The following GATM variants were observed in gnomAD, a reference collection of about 807,000 sequenced individuals.
The protein encoded by GATM is glycine amidinotransferase.
Under a neutral mutation model 54.2 loss-of-function variants are expected in GATM, and 23 were observed. The observed-to-expected ratio is 0.42, with a 90% confidence interval of 0.31 to 0.60. The LOEUF (loss-of-function observed/expected upper bound fraction) is 0.60, where lower values mean the gene tolerates loss of function less well. Ranked by LOEUF, GATM falls within the 20% of genes least tolerant of loss-of-function variation. The probability of loss-of-function intolerance (pLI) is 0.14; values close to 1 mark genes in which losing one functional copy is unlikely to be tolerated. For missense variants in GATM, 401 were observed against 544.9 expected (o/e 0.74, Z 2.63); for synonymous variants, 168 against 183.1 (o/e 0.92, Z 0.67).
At chr15:45,402,221 C>T, upstream of GATM, 1 of 661,978 alleles carries the variant, frequency 1.5e-6, no homozygotes, top group Non-Finnish European at 2.4e-6. Flanking sequence ...CTCGATTTCA[C>T]GAAAGCGGAC....
chr15:45,370,375 CAAA>C (rs1293081776), intron 2 of GATM, among the ~76,000 whole-genome samples: 1 of 77,922 alleles, frequency 1.3e-5, no homozygotes, highest in Non-Finnish European at 2.7e-5. Flanking sequence ...GACTCTGTCT[CAAA>C]AAAAAAAAAA....
Position 45,366,531 on chromosome 15 carries a change from C to T in GATM, c.676-23G>A, listed in dbSNP as rs778983865. On this transcript the variant is annotated intron_variant, in intron 4 of 8. Coordinates refer to ENST00000396659, the MANE Select transcript of GATM (RefSeq NM_001482.3). Reference sequence around the variant, plus strand: ...ATCCTAATTGGAACAAGAATGAACACACACAATGCACTGGATCATGAGAAA... The same window carrying T: ...ATCCTAATTGGAACAAGAATGAACATACACAATGCACTGGATCATGAGAAA... 11 of 1,613,208 alleles carry T rather than the reference C, an allele frequency of 6.8e-6. No homozygotes were observed. In the South Asian group the frequency reaches 9.9e-5, roughly 14 times the overall value.
At chr15:45,387,712 A>G (rs1716263509) in intron 3 of GATM, among the ~76,000 whole-genome samples, 1 of 152,158 alleles carries the variant, frequency 6.6e-6, no homozygotes. Flanking sequence ...TGGAATTTGT[A>G]CCTCACTTTA....
In GATM at chr15:45,368,387, G is replaced by T; in HGVS notation, c.485-127C>A. On this transcript the variant is annotated intron_variant, in intron 3 of 8. Coordinates refer to ENST00000396659, the MANE Select transcript of GATM (RefSeq NM_001482.3). This position sits in a 1 kb window ranked among gnomAD's most constrained non-coding sequence, Gnocchi z 5.1. ...ACCACTTTGGGAGGCCAAGACGGGC[G>T]GATCACTTGATCCTCTTCAAGAGCA... 1 of 768,430 alleles carries T rather than the reference G, an allele frequency of 1.3e-6. No individual in the cohort carries two copies. The highest frequency in any genetic ancestry group is 2.2e-6 in the Non-Finnish European group (1 of 447,104). 47.6% of individuals were successfully genotyped at this position (768,430 alleles called of 1,614,324 possible). A position where few individuals can be genotyped will look rare whatever the true frequency, so the allele number is the denominator to read the frequency against.
chr15:45,361,867 C>A lies in GATM; in HGVS notation c.*242G>T. On this transcript the variant is annotated 3_prime_UTR_variant, in exon 9 of 9. Coordinates refer to ENST00000396659, the MANE Select transcript of GATM (RefSeq NM_001482.3). ...CTAATTTTTTCTTGGTACACATTCA[C>A]CAAAATTTTATACTTGAAGCCAAAT... The A allele has an allele frequency of 1.8e-6, 1 of 553,134 alleles. No homozygotes were observed. Among genetic ancestry groups the A allele is most frequent in the Non-Finnish European group, 3.2e-6 (1 of 313,184 alleles). The allele number at this position is 553,134 out of a possible 1,614,324, so 34.3% of individuals were successfully genotyped here. A position where few individuals can be genotyped will look rare whatever the true frequency, so the allele number is the denominator to read the frequency against.
intron 2 of GATM, among the ~76,000 whole-genome samples, chr15:45,370,375 C>CAA (rs1293081776): frequency 1.3e-5 from 1 of 77,878 alleles, no homozygotes. Context: ...GACTCTGTCT[C>CAA]AAAAAAAAAA....
chr15:45,362,275 T>C (rs535235024), intron 8 of GATM, 54 bp from the exon 9 acceptor site: 2 of 1,073,464 alleles, frequency 1.9e-6, no homozygotes, highest in East Asian at 2.4e-5. Flanking sequence ...ACGATTCTCA[T>C]AGAGAAAGTA....
chr15:45,361,890 A>G lies in GATM; in HGVS notation c.*219T>C. On this transcript the variant is annotated 3_prime_UTR_variant, in exon 9 of 9. Transcript: ENST00000396659. ...CACCAAAATTTTATACTTGAAGCCA[A>G]ATAGTAAATAACTTTAGGAGTAGAG... 1 of 559,996 alleles carries G rather than the reference A, an allele frequency of 1.8e-6. No individual in the cohort carries two copies. The highest frequency in any genetic ancestry group is 2.8e-5 in the East Asian group (1 of 35,482). The allele number at this position is 559,996 out of a possible 1,614,324, so 34.7% of individuals were successfully genotyped here.
upstream of GATM, chr15:45,380,364 G>A (rs1041437919): frequency 1.3e-5 from 2 of 151,896 alleles, no homozygotes; most frequent in African/African-American, 4.8e-5. Context: ...ACTTAATTCT[G>A]CCACTTAATT....
chr15:45,369,387 T>A lies in GATM; in HGVS notation c.423A>T (p.Val141=). Residue 141 remains valine, a synonymous_variant, in exon 3 of 9, where the codon GTA becomes GTT. Coordinates refer to ENST00000396659, the MANE Select transcript of GATM (RefSeq NM_001482.3). ...CNILKTEGVT[V]RRPDPIDWSL... ...ACCAGTCAATGGGGTCAGGCCTCCT[T>A]ACTGTCACTCCTTCCGTTTTTAAAA... is the stretch of plus-strand genomic sequence containing the variant. 1 of 1,614,206 alleles carries A rather than the reference T, an allele frequency of 6.2e-7. No homozygotes were observed. Among genetic ancestry groups the A allele is most frequent in the East Asian group, 2.2e-5 (1 of 44,880 alleles).
intron 3 of GATM, among the ~76,000 whole-genome samples, chr15:45,391,317 C>A (rs1889871933): frequency 6.6e-6 from 1 of 151,464 alleles, no homozygotes; most frequent in South Asian, 2.1e-4. Context: ...GAGGCTGAGG[C>A]AGGAGAATTA....
At chr15:45,400,687 T>C (rs1418491197) in intron 1 of GATM, among the ~76,000 whole-genome samples, 2 of 152,244 alleles carry the variant, frequency 1.3e-5, no homozygotes, top group Non-Finnish European at 2.9e-5. Flanking sequence ...TTTAACTTTA[T>C]TGGCTCCCTG....
intron 3 of GATM, among the ~76,000 whole-genome samples, chr15:45,393,387 ATTTTGCGCC>A (rs1373882505): frequency 2.0e-5 from 3 of 151,618 alleles, no homozygotes; most frequent in East Asian, 3.9e-4. Context: ...GCTACTTAAC[ATTTTGCGCC>A]TCAGTTCTCT....
intron 3 of GATM, among the ~76,000 whole-genome samples, chr15:45,392,611 G>GT (rs565209120): frequency 5.3e-5 from 8 of 152,196 alleles, no homozygotes; most frequent in Non-Finnish European, 1.2e-4. Flanking sequence ...AGGATGCTGG[G>GT]TTTTTTTATG....
Position 45,368,060 on chromosome 15 carries a change from A to G in GATM, c.675+10T>C, listed in dbSNP as rs1235699538. ...GTTAGTAATAAGCTAGCCTATAATTAGGGACTCACCTGGTTATAAAGCTCA... is the reference window on the plus strand; with the variant it reads ...GTTAGTAATAAGCTAGCCTATAATTGGGGACTCACCTGGTTATAAAGCTCA... On this transcript the variant is annotated intron_variant, in intron 4 of 8. Transcript: ENST00000396659. This position sits in a 1 kb window ranked among gnomAD's most constrained non-coding sequence, Gnocchi z 5.1. 1.2e-6 allele frequency: 2 copies of G among 1,612,586 alleles called. No homozygotes were observed. Among genetic ancestry groups the G allele is most frequent in the East Asian group, 4.5e-5 (2 of 44,882 alleles).
chr15:45,369,386 T>C lies in GATM; in HGVS notation c.424A>G (p.Arg142Gly). ...NILKTEGVTV[R>G]RPDPIDWSLK... ...GACCAGTCAATGGGGTCAGGCCTCC[T>C]TACTGTCACTCCTTCCGTTTTTAAA... The change falls in exon 3 of 9, where the codon AGG becomes GGG. Residue 142 changes from arginine (R) to glycine (G), a missense_variant. Physicochemically the swap from Arg to Gly is moderately radical, Grantham distance 125. Coordinates refer to ENST00000396659, the MANE Select transcript of GATM (RefSeq NM_001482.3). The C allele has an allele frequency of 1.2e-6, 2 of 1,614,226 alleles. No homozygotes were observed. The highest frequency in any genetic ancestry group is 1.7e-6 in the Non-Finnish European group (2 of 1,180,028).
upstream of GATM, among the ~76,000 whole-genome samples, chr15:45,381,175 A>G (rs57419781): frequency 0.098 from 14,944 of 151,804 alleles, 834 homozygotes; most frequent in Middle Eastern, 0.25. Flanking sequence ...GCCTTCCCCT[A>G]TTGGCAGTAG....
At chr15:45,371,217 T>G (rs1335599605) in intron 2 of GATM, among the ~76,000 whole-genome samples, 3 of 152,204 alleles carry the variant, frequency 2.0e-5, no homozygotes, top group Non-Finnish European at 2.9e-5. Context: ...TCAAGCTAAA[T>G]GAAGCAGAAC....
At chr15:45,363,835 A>G in intron 8 of GATM, 65 bp downstream of exon 8, 6 of 973,004 alleles carry the variant, frequency 6.2e-6, no homozygotes, top group Non-Finnish European at 9.9e-6. Context: ...CTAGCATGTC[A>G]TTTCTTTAGT....
Sources: gnomAD v4.1 joint callset for allele counts (sites outside exome capture counted in the v4.1 genomes callset) on GRCh38, gnomAD v4.1.1 for gene constraint, Gnocchi (gnomAD v3.1) non-coding constraint, MANE v1.5 for transcripts, NCBI Gene and HGNC (gene_info 2026-07-23, HGNC 2026-07-21) for gene names.